The following ANO4 variants were observed in gnomAD, a reference collection of about 807,000 sequenced individuals.
ANO4 encodes anoctamin-4.
ANO4 carries 69 observed loss-of-function variants against 141.9 expected under a neutral mutation model. That is an observed-to-expected ratio of 0.49 (90% CI 0.40 to 0.59). ANO4 has a LOEUF of 0.59. ANO4 is among the 20% of genes least tolerant of loss of function. ANO4 has a pLI of 0.00. For synonymous variants in ANO4, 350 were observed against 394.3 expected, an observed-to-expected ratio of 0.89 and a Z score of 1.33; for missense variants, 894 against 1,162.2, an observed-to-expected ratio of 0.77 and a Z score of 3.36.
intron 1 of ANO4, among the ~76,000 whole-genome samples, chr12:100,806,703 C>G (rs1425322948): frequency 2.0e-5 from 3 of 151,358 alleles, no homozygotes; most frequent in Non-Finnish European, 4.4e-5. Context: ...CACCACCATG[C>G]CCAGCTAATT....
At chr12:100,989,755 A>G (rs2044980844) in intron 8 of ANO4, among the ~76,000 whole-genome samples, 1 of 10,724 alleles carries the variant, frequency 9.3e-5, no homozygotes, top group Non-Finnish European at 1.9e-4. Flanking sequence ...GGATATATGG[A>G]TGGATGGATG....
intron 2 of ANO4, 143 bp downstream of exon 2, chr12:100,901,983 C>A: frequency 1.3e-6 from 1 of 776,694 alleles, no homozygotes; most frequent in Non-Finnish European, 2.0e-6. Flanking sequence ...CCCTTCTGCT[C>A]ACCTCAGTCA....
At chr12:100,787,892 T>A (rs1315967512) in intron 3 of ANO4, among the ~76,000 whole-genome samples, 2 of 152,152 alleles carry the variant, frequency 1.3e-5, no homozygotes, top group African/African-American at 4.8e-5. Flanking sequence ...TTGGATTTGG[T>A]ATTGGGTCTA....
chr12:100,947,864 A>G (rs1249135313), intron 5 of ANO4, among the ~76,000 whole-genome samples: 1 of 152,150 alleles, frequency 6.6e-6, no homozygotes, highest in Non-Finnish European at 1.5e-5. Flanking sequence ...GATTTCTGGT[A>G]TCTAAAGGTG....
Position 100,813,814 on chromosome 12 carries a change from C to T in ANO4, c.-141+18787C>T, listed in dbSNP as rs544015048. Among the ~76,000 whole-genome samples, 4 of 152,216 alleles carry T rather than the reference C, an allele frequency of 2.6e-5. No homozygotes were observed. In the East Asian group the frequency reaches 7.7e-4, roughly 29 times the overall value. On this transcript the variant is annotated intron_variant, in intron 1 of 27. Transcript: ENST00000392977. ...GTTTATGTATGCCATAAATTATATT[C>T]TTTGTAATCCTATAAGCTTATGATG...
chr12:100,727,017 T>C (rs1400673823), intron 1 of ANO4, among the ~76,000 whole-genome samples: 3 of 149,226 alleles, frequency 2.0e-5, no homozygotes, highest in Non-Finnish European at 4.5e-5. Context: ...CATCACAGAT[T>C]AGGGTTGAAA....
intron 13 of ANO4, chr12:101,047,986 C>G: frequency 9.9e-7 from 1 of 1,007,176 alleles, no homozygotes; most frequent in Non-Finnish European, 1.2e-6. Flanking sequence ...TAAAGCAGCA[C>G]TAACAATACC....
chr12:101,038,713 A>C (rs1593092481), intron 10 of ANO4: 1 of 152,288 alleles, frequency 6.6e-6, no homozygotes, highest in Middle Eastern at 3.4e-3. Flanking sequence ...TAAGTCACAC[A>C]ATGAGTTGGT....
chr12:100,718,848 C>T (rs2030730128), intron 1 of ANO4, among the ~76,000 whole-genome samples: 2 of 152,176 alleles, frequency 1.3e-5, no homozygotes, highest in African/African-American at 2.4e-5. Flanking sequence ...ATGCTGATGG[C>T]ATTTTAGGCA....
intron 1 of ANO4, among the ~76,000 whole-genome samples, chr12:100,732,463 T>C (rs762435703): frequency 6.6e-6 from 1 of 152,208 alleles, no homozygotes; most frequent in African/African-American, 2.4e-5. Context: ...GTATACTTTA[T>C]ATAACAATCC....
intron 24 of ANO4, among the ~76,000 whole-genome samples, chr12:101,116,234 C>T (rs1649384518): frequency 1.3e-5 from 2 of 152,108 alleles, no homozygotes; most frequent in Non-Finnish European, 2.9e-5. Context: ...TCTAACAGGA[C>T]TGTAGCATGG....
rs989961681 is a variant in ANO4, at chr12:100,733,803, C to A, written c.52C>A (p.Leu18Ile). ...AGATGTGAGCAGCGGAAGTTATAAC[C>A]TTTCCTCTGCAACGACGGGCAGCTA... Residue 18 changes from leucine (L) to isoleucine (I), a missense_variant, in exon 2 of 30, where the codon CTT (leucine) becomes ATT (isoleucine). Physicochemically the swap from Leu to Ile is conservative, Grantham distance 5. Transcript: ENST00000644049. 28 of 702,092 alleles carry A rather than the reference C, an allele frequency of 4.0e-5. No individual in the cohort carries two copies. The African/African-American group carries it at 4.4e-4, about 11-fold the overall frequency. The allele number at this position is 702,092 out of a possible 1,614,324, so 43.5% of individuals were successfully genotyped here.
chr12:100,907,245 A>G (rs919371095), intron 2 of ANO4, among the ~76,000 whole-genome samples: 1 of 152,126 alleles, frequency 6.6e-6, no homozygotes, highest in Admixed American at 6.5e-5. Context: ...TCAGGCATCC[A>G]CAGGCTTTTT....
At chr12:100,725,448 G>A (rs950618839) in intron 1 of ANO4, among the ~76,000 whole-genome samples, 1 of 148,246 alleles carries the variant, frequency 6.7e-6, no homozygotes, top group South Asian at 2.1e-4. Context: ...CCGGGTTCAC[G>A]CCATTCTCCT....
At chr12:100,965,983 A>G (rs909968201) in intron 5 of ANO4, among the ~76,000 whole-genome samples, 2 of 152,050 alleles carry the variant, frequency 1.3e-5, no homozygotes, top group Admixed American at 1.3e-4. Context: ...CTTAATGAAC[A>G]TTTTTGGGTG....
At chr12:101,071,063 G>A (rs1710195) in intron 14 of ANO4, among the ~76,000 whole-genome samples, 35,048 of 152,050 alleles carry the variant, frequency 0.23, 4,345 homozygotes, top group East Asian at 0.54. Flanking sequence ...TTTCTACACT[G>A]TTGGTGGGGA....
chr12:100,994,599 T>A (rs771777541), intron 8 of ANO4, among the ~76,000 whole-genome samples: 2 of 152,240 alleles, frequency 1.3e-5, no homozygotes, highest in Non-Finnish European at 2.9e-5. Flanking sequence ...TTTCTGTGTT[T>A]TTATTATTAC....
chr12:101,064,283 C>T (rs929197432), intron 14 of ANO4, among the ~76,000 whole-genome samples: 2 of 152,048 alleles, frequency 1.3e-5, no homozygotes, highest in Non-Finnish European at 2.9e-5. Context: ...TATGTAGAAG[C>T]GTATTGTTTA....
rs151312317 is a variant in ANO4 at position 100,962,257 on chromosome 12, C to G, written c.457-9049C>G. 3.3e-5 allele frequency among the ~76,000 whole-genome samples: 5 copies of G among 152,246 alleles called. No homozygotes were observed. In the East Asian group the frequency reaches 9.7e-4, roughly 29 times the overall value. On this transcript the variant is annotated intron_variant, in intron 5 of 27. Coordinates refer to ENST00000392977, the MANE Select transcript of ANO4 (RefSeq NM_001286615.2). Reference sequence around the variant, plus strand: ...CTCGAAGTCTCGATCACAAGATGTTCATAAATTCATTTAGGAAGCATTCCT... The same window carrying G: ...CTCGAAGTCTCGATCACAAGATGTTGATAAATTCATTTAGGAAGCATTCCT...
Sources: gnomAD v4.1 joint callset for allele counts (sites outside exome capture counted in the v4.1 genomes callset) on GRCh38, gnomAD v4.1.1 for gene constraint, MANE v1.5 for transcripts, NCBI Gene and HGNC (gene_info 2026-07-23, HGNC 2026-07-21) for gene names.